The following DNAH11 variants were observed in gnomAD, a reference collection of about 807,000 sequenced individuals.
DNAH11 encodes axonemal beta dynein heavy chain 11.
A neutral mutation model predicts 526.0 loss-of-function variants in DNAH11; 442 were observed. The ratio of observed to expected loss-of-function variants is 0.84; its 90% CI spans 0.78 to 0.91. The LOEUF is 0.91. DNAH11 is among the 40% of genes least tolerant of loss of function. The probability of loss-of-function intolerance (pLI) is 0.00; values close to 1 mark genes in which losing one functional copy is unlikely to be tolerated. For synonymous variants in DNAH11, 2,461 were observed against 1,935.9 expected, an observed-to-expected ratio of 1.27 and a Z score of -7.12; for missense variants, 6,989 against 5,448.7, an observed-to-expected ratio of 1.28 and a Z score of -8.90.
chr7:21,898,750 A>G (rs750405155), intron 79 of DNAH11, among the ~76,000 whole-genome samples: 15 of 152,312 alleles, frequency 9.8e-5, no homozygotes, highest in Middle Eastern at 3.4e-3. Context: ...TGTACGTAAC[A>G]GCAGCGTTTC....
Position 21,687,540 on chromosome 7 carries a change from C to G in DNAH11, c.5924+13C>G. The G allele has an allele frequency of 6.2e-7, 1 of 1,611,078 alleles. No individual in the cohort carries two copies. The highest frequency in any genetic ancestry group is 8.5e-7 in the Non-Finnish European group (1 of 1,178,556). ...ACAGGAAGAAGAGGTGAGTGGCATG[C>G]AGGCTATCTCTTGTTACAAATAGAA... On this transcript the variant is annotated intron_variant, in intron 34 of 81. Coordinates refer to ENST00000409508, the MANE Select transcript of DNAH11 (RefSeq NM_001277115.2).
intron 69 of DNAH11, among the ~76,000 whole-genome samples, chr7:21,863,101 T>C (rs796851118): frequency 1.1e-4 from 16 of 151,524 alleles, no homozygotes; most frequent in African/African-American, 3.9e-4. Flanking sequence ...GAAAAAGCGT[T>C]CGTGATAAGA....
At chr7:21,884,494 G>A (rs1784048667) in intron 76 of DNAH11, 84 bp downstream of exon 76, 2 of 1,365,074 alleles carry the variant, frequency 1.5e-6, no homozygotes, top group Non-Finnish European at 2.0e-6. Flanking sequence ...ATTATACTAT[G>A]GGCAATTCTT....
At chr7:21,626,926 AT>A (rs1396399278) in intron 25 of DNAH11, among the ~76,000 whole-genome samples, 1 of 151,184 alleles carries the variant, frequency 6.6e-6, no homozygotes, top group Admixed American at 6.6e-5. Flanking sequence ...AATTTTTTGT[AT>A]TTTTAGTAGA....
intron 52 of DNAH11, 131 bp downstream of exon 52, chr7:21,748,873 C>A: frequency 1.2e-6 from 1 of 856,268 alleles, no homozygotes; most frequent in Non-Finnish European, 1.7e-6. Flanking sequence ...AGAGCGGGAG[C>A]TCTTTAAAGC....
chr7:21,832,335 T>C lies in DNAH11; in HGVS notation c.10692-10209T>C, dbSNP rs146111693. Among the ~76,000 whole-genome samples the C allele has an allele frequency of 5.6e-4, 85 of 152,332 alleles. 1 individual carries two copies. The East Asian group carries it at 0.011, about 20-fold the overall frequency. On this transcript the variant is annotated intron_variant, in intron 65 of 81. Transcript: ENST00000409508. ...TGGCACCGGTTGTTCCTTTCCATGT[T>C]TAGTGCTTCCTTCAGGAAAGGCCTG...
Position 21,656,072 on chromosome 7 carries a change from A to T in DNAH11, c.5094+91A>T, listed in dbSNP as rs946328472. On this transcript the variant is annotated intron_variant, in intron 29 of 81. Coordinates refer to ENST00000409508, the MANE Select transcript of DNAH11 (RefSeq NM_001277115.2). ...GTTCAACAAGCAAAAAATTCAACCC[A>T]GGTCAAATCAGGCTCTGCTTAGTTT... The T allele has an allele frequency of 7.3e-5, 100 of 1,375,814 alleles. 3 individuals carry two copies. The East Asian group carries it at 2.4e-3, about 34-fold the overall frequency. 85.2% of individuals were successfully genotyped at this position (1,375,814 alleles called of 1,614,324 possible).
intron 25 of DNAH11, among the ~76,000 whole-genome samples, chr7:21,620,387 C>G (rs80166864): frequency 1.3e-5 from 2 of 151,964 alleles, no homozygotes; most frequent in Non-Finnish European, 2.9e-5. Context: ...CCTCTTGCCC[C>G]CTCCCCCCGG....
Position 21,756,888 on chromosome 7 carries a change from A to G in DNAH11, c.8940+6524A>G, listed in dbSNP as rs1237990599. ...GGGAATGTGGCACGTGTCTTCCTTT[A>G]GTCAAAGTGTCTTTAACTGAGCTTT... is the stretch of plus-strand genomic sequence containing the variant. On this transcript the variant is annotated intron_variant, in intron 54 of 81. Coordinates refer to ENST00000409508, the MANE Select transcript of DNAH11 (RefSeq NM_001277115.2). 7.9e-5 allele frequency among the ~76,000 whole-genome samples: 12 copies of G among 152,322 alleles called. No individual in the cohort carries two copies. The East Asian group carries it at 2.3e-3, about 29-fold the overall frequency.
At chr7:21,552,361 T>A (rs1783054713) in intron 2 of DNAH11, among the ~76,000 whole-genome samples, 1 of 152,176 alleles carries the variant, frequency 6.6e-6, no homozygotes, top group Non-Finnish European at 1.5e-5. Flanking sequence ...AACCTAAAAA[T>A]TTTTGGAGTT....
chr7:21,591,073 A>G (rs1784658639), intron 13 of DNAH11, 51 bp downstream of exon 13: 1 of 1,374,704 alleles, frequency 7.3e-7, no homozygotes, highest in East Asian at 2.8e-5. Flanking sequence ...ATGAATATAA[A>G]TATTTTGAAT....
intron 79 of DNAH11, among the ~76,000 whole-genome samples, chr7:21,898,643 G>A (rs1427641998): frequency 6.6e-6 from 1 of 152,100 alleles, no homozygotes; most frequent in Non-Finnish European, 1.5e-5. Flanking sequence ...TTATCGAAGA[G>A]GTTCATCTGT....
chr7:21,792,072 T>A (rs1788501514), intron 61 of DNAH11, among the ~76,000 whole-genome samples: 1 of 152,152 alleles, frequency 6.6e-6, no homozygotes, highest in Non-Finnish European at 1.5e-5. Flanking sequence ...GGGCCTTTTT[T>A]GTGTTGAGGT....
At chr7:21,731,885 C>T (rs1160127625) in intron 45 of DNAH11, among the ~76,000 whole-genome samples, 1 of 152,044 alleles carries the variant, frequency 6.6e-6, no homozygotes, top group Non-Finnish European at 1.5e-5. Flanking sequence ...ATAATAATGA[C>T]CCCAAAGTGC....
At position 21,559,794 on chromosome 7, in the gene DNAH11, T is replaced by A; in HGVS notation, c.882+2T>A. Reference sequence around the variant, plus strand: ...AATCTGTCATGCATTTATGATCAAGTAAGTAGATAGCCCTAGAAATTATAA... The same window carrying A: ...AATCTGTCATGCATTTATGATCAAGAAAGTAGATAGCCCTAGAAATTATAA... On this transcript the variant is annotated splice_donor_variant, in intron 4 of 81. Coordinates refer to ENST00000409508, the MANE Select transcript of DNAH11 (RefSeq NM_001277115.2). LOFTEE classifies it high-confidence loss of function. 1 of 1,590,006 alleles carries A rather than the reference T, an allele frequency of 6.3e-7. No individual in the cohort carries two copies. The highest frequency in any genetic ancestry group is 8.6e-7 in the Non-Finnish European group (1 of 1,166,704).
rs72658811 is a variant in DNAH11, at chr7:21,866,632, A to C, written c.11659A>C (p.Met3887Leu). Residue 3887 changes from methionine (M) to leucine (L), a missense_variant, in exon 71 of 82, where the codon ATG becomes CTG. By Grantham distance (15) the Met-to-Leu change is conservative. Transcript: ENST00000409508. ...LIQKLILLRA[M>L]RPDRMTYALR... is the part of the protein sequence containing the mutation. Reference sequence around the variant, plus strand: ...ACAGAAGCTGATTCTTCTGAGAGCAATGCGCCCTGACAGAATGACGTATGC... The same window carrying C: ...ACAGAAGCTGATTCTTCTGAGAGCACTGCGCCCTGACAGAATGACGTATGC... 6.2e-7 allele frequency: 1 copy of C among 1,613,750 alleles called. No homozygotes were observed. Among genetic ancestry groups the C allele is most frequent in the Admixed American group, 1.7e-5 (1 of 59,996 alleles).
intron 49 of DNAH11, among the ~76,000 whole-genome samples, chr7:21,743,861 C>T (rs1172972862): frequency 6.6e-6 from 1 of 152,182 alleles, no homozygotes; most frequent in Non-Finnish European, 1.5e-5. Context: ...CCACAACTCC[C>T]TTACTGTTCT....
intron 65 of DNAH11, among the ~76,000 whole-genome samples, chr7:21,832,328 T>A (rs796444842): frequency 1.1e-4 from 17 of 152,324 alleles, no homozygotes; most frequent in African/African-American, 3.6e-4. Context: ...GTTGTTCCTT[T>A]CCATGTTTAG....
chr7:21,708,872 A>T (rs1318963939), intron 40 of DNAH11, among the ~76,000 whole-genome samples: 4 of 152,212 alleles, frequency 2.6e-5, no homozygotes, highest in Non-Finnish European at 5.9e-5. Context: ...TAGAAATACA[A>T]ATCAAAATCA....
Sources: allele counts gnomAD v4.1 joint callset (sites outside exome capture counted in the v4.1 genomes callset), GRCh38; gene constraint gnomAD v4.1.1; transcripts MANE v1.5; gene names NCBI Gene and HGNC (gene_info 2026-07-23, HGNC 2026-07-21).